SLC39A7: variants seen among roughly 807,000 people sequenced by gnomAD.
SLC39A7 encodes zinc transporter SLC39A7.
A neutral mutation model predicts 39.7 loss-of-function variants in SLC39A7; 25 were observed. The ratio of observed to expected loss-of-function variants is 0.63; its 90% CI spans 0.46 to 0.88. The LOEUF is 0.88. Among genes scored for constraint, SLC39A7 ranks in the 40% least tolerant of loss-of-function variants. The pLI is 0.00. For missense variants in SLC39A7, 501 were observed against 592.1 expected (o/e 0.85, Z 1.60); for synonymous variants, 181 against 234.1 (o/e 0.77, Z 2.07).
In SLC39A7 at chr6:33,204,303, G is replaced by A. The variant is rs902575405; in HGVS notation, c.*490G>A. On this transcript the variant is annotated 3_prime_UTR_variant, in exon 7 of 7. Transcript: ENST00000374677. ...GTGTCCTGATTTGGGAGTGATTGGG[G>A]GGATGGGGTGGGAGAGGGTTAGTTG... 10 of 518,938 alleles carry A rather than the reference G, an allele frequency of 1.9e-5. No homozygotes were observed. The highest frequency in any genetic ancestry group is 1.5e-4 in the African/African-American group (8 of 52,206). The allele number at this position is 518,938 out of a possible 1,614,324, so 32.1% of individuals were successfully genotyped here. A position where few individuals can be genotyped will look rare whatever the true frequency, so the allele number is the denominator to read the frequency against.
chr6:33,202,378 TG>T lies in SLC39A7; in HGVS notation c.752del (p.Gly251AspfsTer51). On this transcript the variant is annotated frameshift_variant, in exon 4 of 7. Transcript: ENST00000374677. LOFTEE classifies it high-confidence loss of function. ...KGGHGHSHGH[G>X]HAHSHTRGSH... is the part of the protein sequence containing the mutation. The stretch of plus-strand genomic sequence containing the variant: ...GAGGACATGGTCACAGTCATGGACA[TG>T]GACACGCTCACAGTCATACACGTGG... 1.9e-6 allele frequency: 3 copies of T among 1,612,802 alleles called. No individual in the cohort carries two copies. The highest frequency in any genetic ancestry group is 2.5e-6 in the Non-Finnish European group (3 of 1,179,852).
chr6:33,201,174 G>A lies in SLC39A7; in HGVS notation c.-72G>A. On this transcript the variant is annotated 5_prime_UTR_variant, in exon 1 of 7. Coordinates refer to ENST00000374677, the MANE Select transcript of SLC39A7 (RefSeq NM_006979.3). This position sits in a 1 kb window ranked among gnomAD's most constrained non-coding sequence, Gnocchi z 5.9. ...GAGGTGGACGGAGGGCGCGATTGGA[G>A]TAAAGCGGACCCTGTGTAGGTATAG... 9 of 1,455,998 alleles carry A rather than the reference G, an allele frequency of 6.2e-6. No individual in the cohort carries two copies. The highest frequency in any genetic ancestry group is 4.5e-5 in the East Asian group (2 of 44,056). 90.2% of individuals were successfully genotyped at this position (1,455,998 alleles called of 1,614,324 possible). A position where few individuals can be genotyped will look rare whatever the true frequency, so the allele number is the denominator to read the frequency against.
At position 33,201,775 on chromosome 6, in the gene SLC39A7, G is replaced by C; in HGVS notation, c.442G>C (p.Ala148Pro). Residue 148 changes from alanine to proline, a missense_variant, in exon 2 of 7, where the codon GCT becomes CCT. Coordinates refer to ENST00000374677, the MANE Select transcript of SLC39A7 (RefSeq NM_006979.3). This position sits in a 1 kb window ranked among gnomAD's most constrained non-coding sequence, Gnocchi z 5.9. ...ALGATVLISAAPFFVLFLIPV... is the reference protein window; with the variant it reads ...ALGATVLISAPPFFVLFLIPV... ...GGGGGCCACAGTGCTGATCTCAGCA[G>C]CTCCATTTTTTGTCCTCTTCCTTAT... The C allele has an allele frequency of 6.2e-7, 1 of 1,614,008 alleles. No homozygotes were observed. Among genetic ancestry groups the C allele is most frequent in the Non-Finnish European group, 8.5e-7 (1 of 1,180,020 alleles).
Position 33,202,360 on chromosome 6 carries a change from T to C in SLC39A7, c.732T>C (p.His244=), listed in dbSNP as rs1774662551. The C allele has an allele frequency of 3.7e-6, 6 of 1,612,890 alleles. No homozygotes were observed. The highest frequency in any genetic ancestry group is 5.1e-6 in the Non-Finnish European group (6 of 1,179,934). The change falls in exon 4 of 7, where the codon CAT becomes CAC. Residue 244 remains histidine (H), a synonymous_variant. Transcript: ENST00000374677. ...TTGTGAGACATGTGAAAGGAGGACA[T>C]GGTCACAGTCATGGACATGGACACG... ...EKFVRHVKGG[H]GHSHGHGHAH...
In SLC39A7 at chr6:33,201,169, T is replaced by G; in HGVS notation, c.-77T>G. On this transcript the variant is annotated 5_prime_UTR_variant, in exon 1 of 7. Coordinates refer to ENST00000374677, the MANE Select transcript of SLC39A7 (RefSeq NM_006979.3). The surrounding 1 kb of genome is among the most constrained non-coding windows in gnomAD (Gnocchi z 5.9). ...CCATAGAGGTGGACGGAGGGCGCGA[T>G]TGGAGTAAAGCGGACCCTGTGTAGG... 1 of 1,391,774 alleles carries G rather than the reference T, an allele frequency of 7.2e-7. No individual in the cohort carries two copies. Among genetic ancestry groups the G allele is most frequent in the Non-Finnish European group, 9.8e-7 (1 of 1,018,370 alleles). 86.2% of individuals were successfully genotyped at this position (1,391,774 alleles called of 1,614,324 possible). A position where few individuals can be genotyped will look rare whatever the true frequency, so the allele number is the denominator to read the frequency against.
At position 33,202,352 on chromosome 6, in the gene SLC39A7, G is replaced by A. The variant is rs1269051280; in HGVS notation, c.724G>A (p.Gly242Arg). The change falls in exon 4 of 7, where the codon GGA becomes AGA. Residue 242 changes from glycine to arginine, a missense_variant. Physicochemically the swap from Gly to Arg is moderately radical, Grantham distance 125 (BLOSUM62 -2). Coordinates refer to ENST00000374677, the MANE Select transcript of SLC39A7 (RefSeq NM_006979.3). ...VVEKFVRHVK[G>R]GHGHSHGHGH... ...GGAGAAATTTGTGAGACATGTGAAA[G>A]GAGGACATGGTCACAGTCATGGACA... is the stretch of plus-strand genomic sequence containing the variant. 8.1e-6 allele frequency: 13 copies of A among 1,612,934 alleles called. No individual in the cohort carries two copies. In the East Asian group the frequency reaches 2.7e-4, roughly 33 times the overall value.
chr6:33,203,005 G>A lies in SLC39A7; in HGVS notation c.1036G>A (p.Gly346Arg), dbSNP rs1192986773. 4 of 1,612,448 alleles carry A rather than the reference G, an allele frequency of 2.5e-6. No homozygotes were observed. Among genetic ancestry groups the A allele is most frequent in the Non-Finnish European group, 3.4e-6 (4 of 1,179,874 alleles). Reference protein sequence around the residue: ...AIGASFRGGRGLGILTTMTVL... With the variant: ...AIGASFRGGRRLGILTTMTVL... ...TGGGGCTTCCTTTCGAGGGGGCCGG[G>A]GACTAGGGATCCTGACCACAATGAC... is the stretch of plus-strand genomic sequence containing the variant. Residue 346 changes from glycine to arginine, a missense_variant, in exon 6 of 7, where the codon GGA (glycine) becomes AGA (arginine). Transcript: ENST00000374677.
At chr6:33,202,817 G>A in intron 5 of SLC39A7, 93 bp from the exon 6 acceptor site, 1 of 1,551,468 alleles carries the variant, frequency 6.4e-7, no homozygotes, top group Non-Finnish European at 8.7e-7. Flanking sequence ...GGTGTAAAGT[G>A]GTCTCTGAGG....
chr6:33,202,214 G>A (rs903741280), intron 3 of SLC39A7, 49 bp from the exon 4 acceptor site: 14 of 1,597,278 alleles, frequency 8.8e-6, no homozygotes, highest in Non-Finnish European at 1.2e-5. Context: ...TGAGGAGGAG[G>A]AGTCTGGAAT....
chr6:33,203,143 C>T (rs1249604065), intron 6 of SLC39A7, 37 bp downstream of exon 6: 1 of 1,515,626 alleles, frequency 6.6e-7, no homozygotes, highest in Admixed American at 2.1e-5. Flanking sequence ...GCCTCAAACC[C>T]TTTATCTCTC....
intron 6 of SLC39A7, 21 bp downstream of exon 6, chr6:33,203,127 A>G (rs1489455587): frequency 6.4e-7 from 1 of 1,560,204 alleles, no homozygotes; most frequent in Non-Finnish European, 8.7e-7. Flanking sequence ...TCTGCCAAAC[A>G]CAGCTGCCTC....
In SLC39A7 at chr6:33,201,926, T is replaced by C; in HGVS notation, c.580+13T>C. The C allele has an allele frequency of 6.2e-7, 1 of 1,612,398 alleles. No homozygotes were observed. Among genetic ancestry groups the C allele is most frequent in the East Asian group, 2.2e-5 (1 of 44,884 alleles). ...CCTCATGCTCTTGGTAAGTAACCTC[T>C]GACTTCTACCTCAAATCTAACCTAT... On this transcript the variant is annotated intron_variant, in intron 2 of 6. Transcript: ENST00000374677. This position sits in a 1 kb window ranked among gnomAD's most constrained non-coding sequence, Gnocchi z 5.9.
intron 6 of SLC39A7, 115 bp downstream of exon 6, chr6:33,203,221 C>A: frequency 1.1e-6 from 1 of 942,538 alleles, no homozygotes; most frequent in Non-Finnish European, 1.6e-6. Context: ...TTGACAAGTC[C>A]TCTAGAAATG....
intron 6 of SLC39A7, 69 bp from the exon 7 acceptor site, chr6:33,203,472 C>A: frequency 6.5e-7 from 1 of 1,547,010 alleles, no homozygotes; most frequent in South Asian, 1.1e-5. Context: ...TATACCCCAC[C>A]AGCCACTTCT....
chr6:33,201,996 G>A lies in SLC39A7; in HGVS notation c.581-76G>A, dbSNP rs1420901642. 1.3e-6 allele frequency: 2 copies of A among 1,597,804 alleles called. No individual in the cohort carries two copies. The highest frequency in any genetic ancestry group is 2.7e-5 in the African/African-American group (2 of 74,560). On this transcript the variant is annotated intron_variant, in intron 2 of 6. Coordinates refer to ENST00000374677, the MANE Select transcript of SLC39A7 (RefSeq NM_006979.3). This position sits in a 1 kb window ranked among gnomAD's most constrained non-coding sequence, Gnocchi z 5.9. The stretch of plus-strand genomic sequence containing the variant: ...GGGTTCTTTCTCCTTTATGATCCCT[G>A]ACCTTTCGATATTCCCCCAAATACA...
intron 6 of SLC39A7, among the ~76,000 whole-genome samples, 170 bp downstream of exon 6, chr6:33,203,276 C>T (rs1236204755): frequency 1.3e-5 from 2 of 152,194 alleles, no homozygotes; most frequent in Non-Finnish European, 2.9e-5. Context: ...CTCAGTATTT[C>T]TTAAACTGGT....
In SLC39A7 at chr6:33,202,054, T is replaced by A. The variant is rs2150683592; in HGVS notation, c.581-18T>A. 1 of 1,612,536 alleles carries A rather than the reference T, an allele frequency of 6.2e-7. No individual in the cohort carries two copies. The highest frequency in any genetic ancestry group is 8.5e-7 in the Non-Finnish European group (1 of 1,179,640). On this transcript the variant is annotated intron_variant, in intron 2 of 6. Transcript: ENST00000374677. ...TGTGTCAGATATTCCCTCATCTGGT[T>A]TTCCCCCCTTCTTCCAGAACCTCAT...
rs1005603478 is a variant in SLC39A7, at chr6:33,201,445, C to G, written c.200C>G (p.Thr67Ser). 1 of 1,614,024 alleles carries G rather than the reference C, an allele frequency of 6.2e-7. No homozygotes were observed. The highest frequency in any genetic ancestry group is 8.5e-7 in the Non-Finnish European group (1 of 1,179,908). Residue 67 changes from threonine (T) to serine (S), a missense_variant, in exon 1 of 7, where the codon ACT (threonine) becomes AGT (serine). Transcript: ENST00000374677. This position sits in a 1 kb window ranked among gnomAD's most constrained non-coding sequence, Gnocchi z 5.9. ...AGCCATGCCCATGGCCATGGCCACA[C>G]TCACGAGAGCATCTGGCATGGACAT... Reference protein sequence around the residue: ...GHSHAHGHGHTHESIWHGHTH... With the variant: ...GHSHAHGHGHSHESIWHGHTH...
rs937682617 is a variant in SLC39A7 at position 33,202,343 on chromosome 6, CAT to C, written c.716_717del (p.His239ArgfsTer68). ...AFLVVEKFVR[H>X]VKGGHGHSHG... ...TCTTGTCGTGGAGAAATTTGTGAGA[CAT>C]GTGAAAGGAGGACATGGTCACAGTC... On this transcript the variant is annotated frameshift_variant, in exon 4 of 7. Transcript: ENST00000374677. LOFTEE classifies it high-confidence loss of function. 3.1e-6 allele frequency: 5 copies of C among 1,612,840 alleles called. No individual in the cohort carries two copies. Among genetic ancestry groups the C allele is most frequent in the Non-Finnish European group, 4.2e-6 (5 of 1,179,998 alleles).
Sources: allele counts gnomAD v4.1 joint callset (sites outside exome capture counted in the v4.1 genomes callset), GRCh38; gene constraint gnomAD v4.1.1; non-coding constraint Gnocchi (gnomAD v3.1); transcripts MANE v1.5; gene names NCBI Gene and HGNC (gene_info 2026-07-23, HGNC 2026-07-21).